Variants in SNTG1 observed in about 807,000 individuals in gnomAD.
SNTG1 encodes gamma-1-syntrophin.
In SNTG1, 39 loss-of-function variants were observed where a neutral mutation model predicts 74.7. That is an observed-to-expected ratio of 0.52 (90% CI 0.40 to 0.68). SNTG1 has a LOEUF of 0.68. Among genes scored for constraint, SNTG1 ranks in the 30% least tolerant of loss-of-function variants. The pLI is 0.00. For missense variants in SNTG1, 685 were observed against 609.5 expected (o/e 1.12, Z -1.30); for synonymous variants, 254 against 217.1 (o/e 1.17, Z -1.49).
At chr8:50,675,861 G>A (rs749898026) in intron 15 of SNTG1, among the ~76,000 whole-genome samples, 19 of 151,864 alleles carry the variant, frequency 1.3e-4, no homozygotes, top group Non-Finnish European at 1.8e-4. Context: ...TGGTGGTAAC[G>A]AAATCTCTCA....
chr8:50,730,129 C>T (rs1000457041), intron 17 of SNTG1, among the ~76,000 whole-genome samples: 1 of 152,062 alleles, frequency 6.6e-6, no homozygotes, highest in African/African-American at 2.4e-5. Context: ...TACAAATATA[C>T]TTTGGAAATG....
chr8:50,622,182 A>G (rs943686921), intron 13 of SNTG1, among the ~76,000 whole-genome samples: 7 of 152,192 alleles, frequency 4.6e-5, no homozygotes, highest in African/African-American at 1.4e-4. Flanking sequence ...CCTGTAGAAC[A>G]TTAAAAACTG....
intron 1 of SNTG1, among the ~76,000 whole-genome samples, chr8:49,925,373 T>C (rs111488323): frequency 5.3e-5 from 8 of 152,314 alleles, no homozygotes; most frequent in Non-Finnish European, 8.8e-5. Context: ...TTATACAGTA[T>C]TGACAAATAC....
intron 12 of SNTG1, 62 bp from the exon 13 acceptor site, chr8:50,590,817 C>G: frequency 9.3e-7 from 1 of 1,070,264 alleles, no homozygotes; most frequent in Non-Finnish European, 1.4e-6. Flanking sequence ...GCATAAAATT[C>G]TGGGGACCTT....
chr8:49,958,081 T>C (rs1000139522), intron 1 of SNTG1, among the ~76,000 whole-genome samples: 1 of 152,056 alleles, frequency 6.6e-6, no homozygotes, highest in Admixed American at 6.6e-5. Context: ...TCAGTGTTGG[T>C]AAGAGGTTGG....
chr8:49,930,906 T>G (rs1327705024), intron 1 of SNTG1, among the ~76,000 whole-genome samples: 2 of 152,122 alleles, frequency 1.3e-5, no homozygotes, highest in Non-Finnish European at 2.9e-5. Context: ...ATATATACAT[T>G]AACACATCTA....
intron 2 of SNTG1, among the ~76,000 whole-genome samples, chr8:50,354,726 C>T (rs755282975): frequency 5.3e-5 from 8 of 152,276 alleles, no homozygotes; most frequent in South Asian, 2.1e-4. Context: ...GGATCTCACA[C>T]GGCTGCAGTC....
Position 50,698,557 on chromosome 8 carries a change from G to A in SNTG1, c.1039-6043G>A, listed in dbSNP as rs746240739. ...GGAGCCCATGCCATACTTGATTCTC[G>A]GTTCTGGCTGTGGGAACCTCTTCCC... On this transcript the variant is annotated intron_variant, in intron 15 of 18. Coordinates refer to ENST00000642720, the MANE Select transcript of SNTG1 (RefSeq NM_018967.5). 5.9e-5 allele frequency among the ~76,000 whole-genome samples: 9 copies of A among 152,186 alleles called. No homozygotes were observed. The East Asian group carries it at 9.7e-4, about 16-fold the overall frequency.
chr8:50,223,297 C>G (rs2085161170), intron 2 of SNTG1, among the ~76,000 whole-genome samples: 1 of 152,010 alleles, frequency 6.6e-6, no homozygotes, highest in African/African-American at 2.4e-5. Context: ...AACAAAAATA[C>G]TGGACTTTTC....
At position 50,708,907 on chromosome 8, in the gene SNTG1, C is replaced by G. The variant is rs1475967404; in HGVS notation, c.1213C>G (p.Leu405Val). ...CTAGTGCAAGACCTATGCATGTGTG[C>G]TAGAAAGTCATCTAATGGGACTCAC... The part of the protein sequence containing the change: ...RIQCKTYACV[L>V]ESHLMGLTID... The change falls in exon 17 of 19, where the codon CTA (leucine) becomes GTA (valine). Residue 405 changes from leucine to valine, a missense_variant. Transcript: ENST00000642720. 6.2e-7 allele frequency: 1 copy of G among 1,613,456 alleles called. No homozygotes were observed. The highest frequency in any genetic ancestry group is 8.5e-7 in the Non-Finnish European group (1 of 1,179,588).
chr8:50,062,442 T>A (rs533040646), intron 1 of SNTG1, among the ~76,000 whole-genome samples: 1 of 152,172 alleles, frequency 6.6e-6, no homozygotes, highest in East Asian at 1.9e-4. Flanking sequence ...GTTTGGTGAA[T>A]ACACATTTAA....
chr8:50,036,387 T>C (rs1275268809), intron 1 of SNTG1, among the ~76,000 whole-genome samples: 2 of 152,212 alleles, frequency 1.3e-5, no homozygotes, highest in East Asian at 3.9e-4. Flanking sequence ...ACATATTATC[T>C]TTCCCACCCA....
intron 12 of SNTG1, among the ~76,000 whole-genome samples, chr8:50,582,543 GGT>G (rs139890968): frequency 2.1e-4 from 32 of 151,068 alleles, no homozygotes; most frequent in East Asian, 5.8e-4. Flanking sequence ...TGGGTGTGTG[GGT>G]GTGTGTGTGT....
chr8:50,411,395 C>A (rs2131397261), intron 4 of SNTG1, among the ~76,000 whole-genome samples: 1 of 151,392 alleles, frequency 6.6e-6, no homozygotes, highest in East Asian at 2.0e-4. Context: ...TTGCAGTGAG[C>A]CGAGATCTCT....
chr8:50,315,633 C>T lies in SNTG1; in HGVS notation c.-27-78579C>T, dbSNP rs140053263. 4.1e-4 allele frequency among the ~76,000 whole-genome samples: 62 copies of T among 149,942 alleles called. 6 individuals carry two copies. The highest frequency in any genetic ancestry group is 1.4e-3 in the African/African-American group (58 of 40,266). ...AAAGCAGAAAACCTGCAGTGTAGAA[C>T]TAAAATGAAGCATACTTCAAGTATG... On this transcript the variant is annotated intron_variant, in intron 2 of 18. Coordinates refer to ENST00000642720, the MANE Select transcript of SNTG1 (RefSeq NM_018967.5).
chr8:50,412,728 T>C (rs1447719481), intron 4 of SNTG1, among the ~76,000 whole-genome samples: 1 of 152,152 alleles, frequency 6.6e-6, no homozygotes, highest in Non-Finnish European at 1.5e-5. Flanking sequence ...GCAAGACATA[T>C]GTAAGTAGCA....
intron 2 of SNTG1, among the ~76,000 whole-genome samples, chr8:50,338,133 C>CAAA (rs559885856): frequency 1.9e-4 from 29 of 148,850 alleles, no homozygotes; most frequent in African/African-American, 6.9e-4. Flanking sequence ...GACTCTGTCT[C>CAAA]AAAAAAAATA....
intron 1 of SNTG1, among the ~76,000 whole-genome samples, chr8:50,168,958 A>G (rs991653640): frequency 6.6e-6 from 1 of 152,200 alleles, no homozygotes; most frequent in African/African-American, 2.4e-5. Context: ...GTTTTTATGT[A>G]TAAGTCATTT....
At chr8:50,029,009 G>C (rs931106339) in intron 1 of SNTG1, among the ~76,000 whole-genome samples, 5 of 151,642 alleles carry the variant, frequency 3.3e-5, no homozygotes. Context: ...AATTCTTTAT[G>C]TGTTGTAGGT....
Sources: gnomAD v4.1 joint callset for allele counts (sites outside exome capture counted in the v4.1 genomes callset) on GRCh38, gnomAD v4.1.1 for gene constraint, MANE v1.5 for transcripts, NCBI Gene and HGNC (gene_info 2026-07-23, HGNC 2026-07-21) for gene names.